Variants in TMEM14A observed in about 807,000 individuals in gnomAD.
The protein encoded by TMEM14A is transmembrane protein 14A.
A neutral mutation model predicts 11.6 loss-of-function variants in TMEM14A; 8 were observed. The observed-to-expected ratio is 0.69, with a 90% CI of 0.40 to 1.24. TMEM14A has a LOEUF of 1.24. Among genes scored for constraint, TMEM14A ranks in the 50% most tolerant of loss-of-function variants. TMEM14A has a pLI of 0.01. For synonymous variants in TMEM14A, 34 were observed against 45.5 expected, an observed-to-expected ratio of 0.75 and a Z score of 1.02; for missense variants, 108 against 121.9, an observed-to-expected ratio of 0.89 and a Z score of 0.54.
intron 1 of TMEM14A, among the ~76,000 whole-genome samples, chr6:52,673,432 A>C (rs1408436520): frequency 6.6e-6 from 1 of 150,842 alleles, no homozygotes; most frequent in Non-Finnish European, 1.5e-5. Flanking sequence ...TGATGTTTGC[A>C]AGCGGTTGTT....
chr6:52,678,990 T>G (rs1416649417), intron 2 of TMEM14A, among the ~76,000 whole-genome samples: 1 of 152,218 alleles, frequency 6.6e-6, no homozygotes, highest in Non-Finnish European at 1.5e-5. Context: ...CCTATGTAGC[T>G]GGGCCAGGAG....
chr6:52,673,637 C>T (rs1187845379), intron 1 of TMEM14A, among the ~76,000 whole-genome samples: 1 of 152,134 alleles, frequency 6.6e-6, no homozygotes, highest in African/African-American at 2.4e-5. Flanking sequence ...GGGTGCCACT[C>T]CTTGTTATGG....
rs559442751 is a variant in TMEM14A, at chr6:52,674,816, G to C, written c.-16-2271G>C. On this transcript the variant is annotated intron_variant, in intron 1 of 4. Transcript: ENST00000211314. Reference sequence around the variant, plus strand: ...TGGTGCTGTCATCTCCTGTGCCTCAGCTTCCCTCCCCCATACCCTTCCTCA... The same window carrying C: ...TGGTGCTGTCATCTCCTGTGCCTCACCTTCCCTCCCCCATACCCTTCCTCA... Among the ~76,000 whole-genome samples the C allele has an allele frequency of 4.0e-5, 6 of 151,640 alleles. No individual in the cohort carries two copies. In the East Asian group the frequency reaches 1.2e-3, roughly 29 times the overall value.
intron 4 of TMEM14A, among the ~76,000 whole-genome samples, chr6:52,685,550 A>G (rs576427471): frequency 1.3e-5 from 2 of 151,492 alleles, no homozygotes; most frequent in Non-Finnish European, 2.9e-5. Flanking sequence ...GCGTCACTAT[A>G]CTCCAGCCTG....
chr6:52,675,598 A>G (rs1581742049), intron 1 of TMEM14A, among the ~76,000 whole-genome samples: 1 of 152,236 alleles, frequency 6.6e-6, no homozygotes, highest in Non-Finnish European at 1.5e-5. Flanking sequence ...AGCTGCTGCT[A>G]TGATGCACAG....
chr6:52,675,786 G>C (rs1338276344), intron 1 of TMEM14A, among the ~76,000 whole-genome samples: 1 of 152,240 alleles, frequency 6.6e-6, no homozygotes, highest in African/African-American at 2.4e-5. Context: ...ACATCCATCT[G>C]TAAAGAATGA....
chr6:52,677,416 T>C (rs1769278736), intron 2 of TMEM14A, among the ~76,000 whole-genome samples: 1 of 152,098 alleles, frequency 6.6e-6, no homozygotes, highest in South Asian at 2.1e-4. Flanking sequence ...CACTTCATCA[T>C]CAGTTGCATA....
intron 2 of TMEM14A, among the ~76,000 whole-genome samples, chr6:52,680,632 T>G (rs1769354186): frequency 7.7e-6 from 1 of 129,844 alleles, no homozygotes; most frequent in Non-Finnish European, 1.7e-5. Flanking sequence ...TGTGTATATA[T>G]ATATGTGTGT....
chr6:52,681,781 C>G (rs145766710), intron 2 of TMEM14A, 32 bp from the exon 3 acceptor site: 11 of 1,571,242 alleles, frequency 7.0e-6, no homozygotes, highest in Admixed American at 1.7e-5. Flanking sequence ...TTGGGATTCT[C>G]TTTGTGATCT....
intron 2 of TMEM14A, among the ~76,000 whole-genome samples, chr6:52,680,669 G>GTATATATATATATATACATATATGTATA (rs749318698): frequency 2.8e-5 from 1 of 35,968 alleles, no homozygotes; most frequent in African/African-American, 7.9e-5. Flanking sequence ...ATATATATGT[G>GTATATATATATATATACATATATGTATA]TATATATATA....
rs1294098081 is a variant in TMEM14A, at chr6:52,684,433, G to C, written c.260+268G>C. On this transcript the variant is annotated intron_variant, in intron 4 of 4. Transcript: ENST00000211314. Reference sequence around the variant, plus strand: ...CAGAAGAAAGAGCTAACTAAACTCAGCCTCATTTTTCCTCAAGATTCACCC... The same window carrying C: ...CAGAAGAAAGAGCTAACTAAACTCACCCTCATTTTTCCTCAAGATTCACCC... 2.6e-5 allele frequency among the ~76,000 whole-genome samples: 4 copies of C among 152,152 alleles called. No homozygotes were observed. In the East Asian group the frequency reaches 7.7e-4, roughly 29 times the overall value.
chr6:52,680,669 G>GTATATATATATATACATATATGTA lies in TMEM14A; in HGVS notation c.71-1131_71-1108dup, dbSNP rs1292202822. ...TATATATGTGTGTGTATATATATGT[G>GTATATATATATATACATATATGTA]TATATATATATATACATATATGTAT... On this transcript the variant is annotated intron_variant, in intron 2 of 4. Transcript: ENST00000211314. Among the ~76,000 whole-genome samples the GTATATATATATATACATATATGTA allele has an allele frequency of 1.7e-4, 6 of 35,964 alleles. 1 individual carries two copies. The highest frequency in any genetic ancestry group is 2.4e-4 in the African/African-American group (3 of 12,736). 23.6% of individuals were successfully genotyped at this position (35,964 alleles called of 152,430 possible). A position where few individuals can be genotyped will look rare whatever the true frequency, so the allele number is the denominator to read the frequency against.
intron 1 of TMEM14A, among the ~76,000 whole-genome samples, chr6:52,674,141 T>C (rs1769212335): frequency 6.6e-6 from 1 of 152,242 alleles, no homozygotes. Context: ...GGTATCAGGT[T>C]TGAAGATAAG....
chr6:52,677,077 C>G lies in TMEM14A; in HGVS notation c.-16-10C>G, dbSNP rs775241093. ...ATTTTGTATAATTTGTCCTTTCCCC[C>G]TTGCTTTAGAATTGCAACCTTGCCA... is the stretch of plus-strand genomic sequence containing the variant. On this transcript the variant is annotated splice_polypyrimidine_tract_variant and intron_variant, in intron 1 of 4. Coordinates refer to ENST00000211314, the MANE Select transcript of TMEM14A (RefSeq NM_014051.4). 1 of 1,613,546 alleles carries G rather than the reference C, an allele frequency of 6.2e-7. No homozygotes were observed. The highest frequency in any genetic ancestry group is 8.5e-7 in the Non-Finnish European group (1 of 1,179,496).
intron 2 of TMEM14A, 125 bp downstream of exon 2, chr6:52,677,297 G>A (rs1265000271): frequency 8.7e-6 from 9 of 1,036,382 alleles, no homozygotes; most frequent in East Asian, 4.8e-5. Context: ...GAAGACCAGC[G>A]TGTCTTGGAA....
chr6:52,680,697 A>ATATATGTG lies in TMEM14A; in HGVS notation c.71-1111_71-1110insGTGTATAT, dbSNP rs1554137478. ...TATATATATATACATATATGTATAT[A>ATATATGTG]TATATATACACATATATATATGGCA... is the stretch of plus-strand genomic sequence containing the variant. On this transcript the variant is annotated intron_variant, in intron 2 of 4. Transcript: ENST00000211314. Among the ~76,000 whole-genome samples the ATATATGTG allele has an allele frequency of 9.1e-4, 84 of 92,236 alleles. 8 individuals carry two copies. The highest frequency in any genetic ancestry group is 3.0e-3 in the African/African-American group (82 of 27,200). 60.5% of individuals were successfully genotyped at this position (92,236 alleles called of 152,430 possible). A position where few individuals can be genotyped will look rare whatever the true frequency, so the allele number is the denominator to read the frequency against.
intron 1 of TMEM14A, among the ~76,000 whole-genome samples, chr6:52,674,777 T>C (rs1769224173): frequency 6.6e-6 from 1 of 152,144 alleles, no homozygotes; most frequent in Admixed American, 6.6e-5. Flanking sequence ...CATTTTTCAG[T>C]GTTGCCTCCT....
intron 2 of TMEM14A, among the ~76,000 whole-genome samples, chr6:52,680,080 T>C (rs967204445): frequency 1.2e-4 from 18 of 152,034 alleles, no homozygotes; most frequent in African/African-American, 4.3e-4. Flanking sequence ...ATTTATCAAG[T>C]GCTCCTATGT....
intron 2 of TMEM14A, among the ~76,000 whole-genome samples, chr6:52,681,580 C>A (rs189567478): frequency 6.6e-6 from 1 of 152,330 alleles, no homozygotes; most frequent in East Asian, 1.9e-4. Context: ...ACATCTAACC[C>A]CACTGCACTG....
Sources: gnomAD v4.1 joint callset for allele counts (sites outside exome capture counted in the v4.1 genomes callset) on GRCh38, gnomAD v4.1.1 for gene constraint, MANE v1.5 for transcripts, NCBI Gene and HGNC (gene_info 2026-07-23, HGNC 2026-07-21) for gene names.